The following PLRG1 variants were observed in gnomAD, a reference collection of about 807,000 sequenced individuals.
The protein encoded by PLRG1 is pleiotropic regulator 1.
A neutral mutation model predicts 74.9 loss-of-function variants in PLRG1; 28 were observed. That is an observed-to-expected ratio of 0.37 (90% CI 0.28 to 0.51). The LOEUF is 0.51. Ranked by LOEUF, PLRG1 falls within the 20% of genes least tolerant of loss-of-function variation. The pLI is 0.91. For missense variants in PLRG1, 445 were observed against 631.9 expected (o/e 0.70, Z 3.17); for synonymous variants, 197 against 212.4 (o/e 0.93, Z 0.63).
chr4:154,539,351 A>G lies in PLRG1; in HGVS notation c.1043-138T>C, dbSNP rs112778864. On this transcript the variant is annotated intron_variant, in intron 11 of 14. Coordinates refer to ENST00000499023, the MANE Select transcript of PLRG1 (RefSeq NM_002669.4). ...ATCACACGCAAATTAGTCTTGGCTA[A>G]TTTCTTCATAGTTCCAAATTTTTAG... The G allele has an allele frequency of 9.5e-3, 5,628 of 594,780 alleles. 201 individuals are homozygous for G. The highest frequency in any genetic ancestry group is 0.088 in the African/African-American group (4,748 of 53,872). The allele number at this position is 594,780 out of a possible 1,614,324, so 36.8% of individuals were successfully genotyped here.
chr4:154,547,111 A>C, intron 3 of PLRG1, 47 bp from the exon 4 acceptor site: 1 of 1,294,658 alleles, frequency 7.7e-7, no homozygotes, highest in Non-Finnish European at 1.1e-6. Context: ...TACCTTATAC[A>C]AAAGTTATCA....
intron 7 of PLRG1, among the ~76,000 whole-genome samples, chr4:154,544,239 T>C (rs1351900883): frequency 2.0e-5 from 3 of 152,212 alleles, no homozygotes; most frequent in Non-Finnish European, 4.4e-5. Context: ...TTCATACTAT[T>C]TTATATAAAA....
chr4:154,541,016 C>T, intron 8 of PLRG1, 82 bp from the exon 9 acceptor site: 11 of 1,021,120 alleles, frequency 1.1e-5, no homozygotes, highest in Non-Finnish European at 1.5e-5. Context: ...TAAAACTGAG[C>T]TTTCAAAGAC....
intron 1 of PLRG1, 118 bp from the exon 2 acceptor site, chr4:154,549,053 C>T (rs904222882): frequency 3.5e-5 from 24 of 680,676 alleles, no homozygotes; most frequent in Non-Finnish European, 5.6e-5. Context: ...TACCACTCAC[C>T]ATAGCTACTT....
chr4:154,548,629 T>C (rs1729701122), intron 2 of PLRG1, among the ~76,000 whole-genome samples, 200 bp downstream of exon 2: 1 of 151,834 alleles, frequency 6.6e-6, no homozygotes, highest in Non-Finnish European at 1.5e-5. Flanking sequence ...ATTTGTAAAA[T>C]GCAATTAATT....
At chr4:154,537,578 GT>G in intron 13 of PLRG1, 99 bp from the exon 14 acceptor site, 1 of 753,344 alleles carries the variant, frequency 1.3e-6, no homozygotes, top group Non-Finnish European at 2.2e-6. Context: ...GAATACTACG[GT>G]TATAAAAATA....
chr4:154,544,634 A>G lies in PLRG1; in HGVS notation c.493-88T>C, dbSNP rs1299539998. ...TTCAGAAATGGAAATGGAAAGAGGG[A>G]ACTTACAAAAGAATTTTTCCATAAA... On this transcript the variant is annotated intron_variant, in intron 6 of 14. Coordinates refer to ENST00000499023, the MANE Select transcript of PLRG1 (RefSeq NM_002669.4). 7.1e-6 allele frequency: 5 copies of G among 708,866 alleles called. No individual in the cohort carries two copies. In the Admixed American group the frequency reaches 1.4e-4, roughly 20 times the overall value. 43.9% of individuals were successfully genotyped at this position (708,866 alleles called of 1,614,324 possible). A position where few individuals can be genotyped will look rare whatever the true frequency, so the allele number is the denominator to read the frequency against.
intron 2 of PLRG1, among the ~76,000 whole-genome samples, chr4:154,548,313 T>C (rs1394868598): frequency 2.0e-5 from 3 of 152,206 alleles, no homozygotes; most frequent in African/African-American, 7.2e-5. Flanking sequence ...CTTTTAAAAA[T>C]AGTCTACTTT....
In PLRG1 at chr4:154,545,900, G is replaced by C; in HGVS notation, c.428C>G (p.Pro143Arg). The change falls in exon 6 of 15, where the codon CCT becomes CGT. Residue 143 changes from proline (P) to arginine (R), a missense_variant. Pro to Arg is a moderately radical substitution (Grantham distance 103, BLOSUM62 -2). Transcript: ENST00000499023. ...AGGATGTCGGTATTCACTTCCACTA[G>C]GGGCAGTACGATTTGCATCAGCCCT... is the stretch of plus-strand genomic sequence containing the variant. ...QTKADANRTA[P>R]SGSEYRHPGA... The C allele has an allele frequency of 1.2e-6, 2 of 1,611,398 alleles. No individual in the cohort carries two copies. Among genetic ancestry groups the C allele is most frequent in the Non-Finnish European group, 1.7e-6 (2 of 1,177,820 alleles).
At chr4:154,542,164 AT>A in intron 8 of PLRG1, 22 bp downstream of exon 8, 1 of 1,383,150 alleles carries the variant, frequency 7.2e-7, no homozygotes, top group Non-Finnish European at 1.0e-6. Context: ...AGTCATGTTT[AT>A]TTTTTCTTCC....
At chr4:154,549,861 C>A in intron 1 of PLRG1, 3 of 433,230 alleles carry the variant, frequency 6.9e-6, no homozygotes, top group South Asian at 5.0e-5. Context: ...GCTGTTCATG[C>A]CAGGGAAAGA....
chr4:154,546,253 A>G (rs1245763129), intron 4 of PLRG1, 40 bp from the exon 5 acceptor site: 2 of 1,043,792 alleles, frequency 1.9e-6, no homozygotes, highest in East Asian at 2.4e-5. Context: ...GTAGCTGTGT[A>G]TTATTCATTT....
At chr4:154,548,233 A>C (rs1729694590) in intron 2 of PLRG1, among the ~76,000 whole-genome samples, 1 of 152,172 alleles carries the variant, frequency 6.6e-6, no homozygotes, top group Non-Finnish European at 1.5e-5. Context: ...GATGTATCCA[A>C]ACAGGTTAGT....
rs1729469547 is a variant in PLRG1 at position 154,537,332 on chromosome 4, G to A, written c.1439C>T (p.Ala480Val). The A allele has an allele frequency of 1.2e-6, 2 of 1,612,960 alleles. No homozygotes were observed. The highest frequency in any genetic ancestry group is 1.7e-6 in the Non-Finnish European group (2 of 1,179,332). ...FDQSESRLLT[A>V]EADKTIKVYR... Reference sequence around the variant, plus strand: ...TACTTTAATGGTTTTATCAGCTTCAGCTGTTAGTAATCGACTTTCAGACTG... The same window carrying A: ...TACTTTAATGGTTTTATCAGCTTCAACTGTTAGTAATCGACTTTCAGACTG... Residue 480 changes from alanine (A) to valine (V), a missense_variant, in exon 14 of 15, where the codon GCT becomes GTT. By Grantham distance (64) the Ala-to-Val change is moderately conservative. Transcript: ENST00000499023.
Position 154,536,518 on chromosome 4 carries a change from A to G in PLRG1, c.*167T>C. The G allele has an allele frequency of 1.6e-6, 1 of 609,428 alleles. No individual in the cohort carries two copies. Among genetic ancestry groups the G allele is most frequent in the South Asian group, 1.9e-5 (1 of 53,586 alleles). The allele number at this position is 609,428 out of a possible 1,614,324, so 37.8% of individuals were successfully genotyped here. Reference sequence around the variant, plus strand: ...AAATAAAAACACAGGGGTAGGGGACAGGGGACAGTTTATTGTAAAATATGA... The same window carrying G: ...AAATAAAAACACAGGGGTAGGGGACGGGGGACAGTTTATTGTAAAATATGA... On this transcript the variant is annotated 3_prime_UTR_variant, in exon 15 of 15. Coordinates refer to ENST00000499023, the MANE Select transcript of PLRG1 (RefSeq NM_002669.4).
chr4:154,537,888 T>C, intron 13 of PLRG1, 81 bp downstream of exon 13: 1 of 803,540 alleles, frequency 1.2e-6, no homozygotes, highest in Non-Finnish European at 1.9e-6. Flanking sequence ...TGTGACAGCT[T>C]AGAAGCATTA....
At chr4:154,542,117 G>A (rs1729565507) in intron 8 of PLRG1, 70 bp downstream of exon 8, 6 of 969,214 alleles carry the variant, frequency 6.2e-6, no homozygotes, top group Non-Finnish European at 9.9e-6. Flanking sequence ...CCTGCCACAG[G>A]AAATAATAAC....
chr4:154,547,953 A>AT (rs1729690003), intron 2 of PLRG1, 100 bp from the exon 3 acceptor site: 1 of 824,948 alleles, frequency 1.2e-6, no homozygotes, highest in Non-Finnish European at 1.8e-6. Context: ...TTCTAGTATG[A>AT]TTTTAAGTAG....
chr4:154,538,003 C>T lies in PLRG1; in HGVS notation c.1257G>A (p.Leu419=), dbSNP rs1408011659. 5 of 1,540,732 alleles carry T rather than the reference C, an allele frequency of 3.2e-6. No homozygotes were observed. Among genetic ancestry groups the T allele is most frequent in the Non-Finnish European group, 4.4e-6 (5 of 1,132,348 alleles). The part of the protein sequence containing the change: ...LSGHNAIINT[L]TVNSDGVLVS... ...CAAGCACTCCATCAGAATTTACCGTCAATGTGTTAATAATAGCATTATGAC... is the reference window on the plus strand; with the variant it reads ...CAAGCACTCCATCAGAATTTACCGTTAATGTGTTAATAATAGCATTATGAC... The change falls in exon 13 of 15, where the codon TTG becomes TTA. Residue 419 remains leucine (L), a synonymous_variant. Transcript: ENST00000499023.
Sources: gnomAD v4.1 joint callset for allele counts (sites outside exome capture counted in the v4.1 genomes callset) on GRCh38, gnomAD v4.1.1 for gene constraint, MANE v1.5 for transcripts, NCBI Gene and HGNC (gene_info 2026-07-23, HGNC 2026-07-21) for gene names.